The following WWOX variants were observed in gnomAD, a reference collection of about 807,000 sequenced individuals.
The protein encoded by WWOX is WW domain-containing oxidoreductase.
In WWOX, 69 loss-of-function variants were observed where a neutral mutation model predicts 46.2. The observed-to-expected ratio is 1.49, with a 90% CI of 1.23 to 1.82. WWOX has a LOEUF of 1.82. Ranked by LOEUF, WWOX falls within the 40% of genes most tolerant of loss-of-function variation. The pLI, the probability that WWOX is intolerant of heterozygous loss-of-function variation, is 0.00. For synonymous variants in WWOX, 359 were observed against 202.6 expected (o/e 1.77, Z -6.56); for missense variants, 919 against 542.6 (o/e 1.69, Z -6.89).
chr16:78,179,874 G>A (rs951777207), intron 5 of WWOX: 1 of 152,188 alleles, frequency 6.6e-6, no homozygotes, highest in Admixed American at 6.5e-5. Flanking sequence ...GTCAATTGGA[G>A]GGATTTGGTA....
At chr16:78,972,460 A>G (rs1461735988) in intron 8 of WWOX, among the ~76,000 whole-genome samples, 6 of 113,906 alleles carry the variant, frequency 5.3e-5, no homozygotes, top group Admixed American at 1.9e-4. Context: ...GGAAGTCAGC[A>G]AGCAGGGGTG....
intron 6 of WWOX, among the ~76,000 whole-genome samples, chr16:78,406,359 A>ATT (rs577010886): frequency 1.0e-4 from 6 of 59,918 alleles, no homozygotes; most frequent in African/African-American, 3.1e-4. Context: ...TATATATTTT[A>ATT]TTATTTTTTT....
chr16:78,608,766 G>A (rs762299289), intron 8 of WWOX, among the ~76,000 whole-genome samples: 64 of 152,092 alleles, frequency 4.2e-4, no homozygotes, highest in Non-Finnish European at 8.8e-4. Context: ...AACTAAAGCC[G>A]GGGTCGCCTG....
intron 8 of WWOX, among the ~76,000 whole-genome samples, chr16:78,877,860 A>G (rs1486477061): frequency 6.6e-6 from 1 of 152,202 alleles, no homozygotes; most frequent in Non-Finnish European, 1.5e-5. Flanking sequence ...TATACATTTT[A>G]TAGCTAAGCC....
At chr16:78,587,130 A>T (rs770406973) in intron 8 of WWOX, among the ~76,000 whole-genome samples, 1 of 150,034 alleles carries the variant, frequency 6.7e-6, no homozygotes, top group Non-Finnish European at 1.5e-5. Flanking sequence ...GGCTCAACCT[A>T]TCCTCTTACC....
At chr16:78,119,417 C>G (rs758778727) in intron 4 of WWOX, among the ~76,000 whole-genome samples, 32 of 152,112 alleles carry the variant, frequency 2.1e-4, no homozygotes, top group South Asian at 8.3e-4. Flanking sequence ...CTGCCCCCTG[C>G]TACCTGCAGG....
intron 8 of WWOX, among the ~76,000 whole-genome samples, chr16:78,758,092 T>C (rs1177280396): frequency 2.6e-5 from 4 of 152,198 alleles, no homozygotes; most frequent in Admixed American, 1.3e-4. Flanking sequence ...ATCTAATTAA[T>C]GTTGAAATTT....
intron 8 of WWOX, among the ~76,000 whole-genome samples, chr16:78,850,540 C>T (rs922988578): frequency 2.6e-5 from 4 of 152,066 alleles, no homozygotes; most frequent in Admixed American, 2.0e-4. Context: ...TGCAATGAAA[C>T]GTTTGTATAT....
intron 8 of WWOX, among the ~76,000 whole-genome samples, chr16:78,638,695 A>G (rs1167069622): frequency 6.6e-6 from 1 of 152,146 alleles, no homozygotes; most frequent in Non-Finnish European, 1.5e-5. Flanking sequence ...AGCACTTCAG[A>G]TTCCAATCGA....
chr16:78,556,695 C>T (rs1242983149), intron 8 of WWOX, among the ~76,000 whole-genome samples: 4 of 152,162 alleles, frequency 2.6e-5, no homozygotes, highest in East Asian at 1.9e-4. Flanking sequence ...TCCCTGAGAC[C>T]GGCAAACACA....
At chr16:79,137,717 C>T (rs564242833) in intron 8 of WWOX, among the ~76,000 whole-genome samples, 2 of 152,244 alleles carry the variant, frequency 1.3e-5, no homozygotes, top group Admixed American at 1.3e-4. Context: ...TCCTCCATCC[C>T]CTTCCTGCCC....
chr16:79,138,413 C>T (rs907337614), intron 8 of WWOX, among the ~76,000 whole-genome samples: 1 of 152,152 alleles, frequency 6.6e-6, no homozygotes, highest in Non-Finnish European at 1.5e-5. Context: ...AGATTTTCTG[C>T]CACAGTTTAA....
At chr16:78,400,083 A>G (rs1373672071) in intron 6 of WWOX, among the ~76,000 whole-genome samples, 4 of 152,194 alleles carry the variant, frequency 2.6e-5, no homozygotes, top group Non-Finnish European at 5.9e-5. Context: ...TGTCATTCAG[A>G]AAAACATAAA....
intron 5 of WWOX, among the ~76,000 whole-genome samples, chr16:78,192,787 T>G (rs1439070842): frequency 1.3e-5 from 2 of 152,194 alleles, no homozygotes; most frequent in Non-Finnish European, 2.9e-5. Flanking sequence ...TTGTTACAGG[T>G]CTAGTGCTGT....
At position 78,261,662 on chromosome 16, in the gene WWOX, T is replaced by A. The variant is rs866163180; in HGVS notation, c.516+97373T>A. ...AATCAGGGAGACTATGGAAGAACAA[T>A]CTCAGATCTCAGCTTGAGGCTCCAC... On this transcript the variant is annotated intron_variant, in intron 5 of 8. Coordinates refer to ENST00000566780, the MANE Select transcript of WWOX (RefSeq NM_016373.4). Among the ~76,000 whole-genome samples the A allele has an allele frequency of 1.4e-4, 21 of 149,776 alleles. 1 individual carries two copies. Among genetic ancestry groups the A allele is most frequent in the Middle Eastern group, 3.4e-3 (1 of 290 alleles).
At chr16:78,412,252 C>T (rs1321586838) in intron 6 of WWOX, among the ~76,000 whole-genome samples, 1 of 152,104 alleles carries the variant, frequency 6.6e-6, no homozygotes, top group Non-Finnish European at 1.5e-5. Flanking sequence ...TTGCAAATAT[C>T]AGCCATTACA....
intron 5 of WWOX, among the ~76,000 whole-genome samples, chr16:78,314,713 T>G (rs1217567755): frequency 9.3e-5 from 13 of 139,250 alleles, no homozygotes; most frequent in South Asian, 2.4e-4. Context: ...TTTTTTTTTT[T>G]TTTTTTTTCT....
chr16:78,358,375 T>C (rs1287112159), intron 5 of WWOX, among the ~76,000 whole-genome samples: 2 of 152,152 alleles, frequency 1.3e-5, no homozygotes, highest in East Asian at 1.9e-4. Context: ...ATAATAATTA[T>C]AGCCAAGTGC....
intron 8 of WWOX, among the ~76,000 whole-genome samples, chr16:79,007,034 A>G (rs1417807163): frequency 1.3e-5 from 2 of 152,036 alleles, no homozygotes; most frequent in Non-Finnish European, 2.9e-5. Flanking sequence ...GGATGGGGGT[A>G]TCTCTAGGGG....
Sources: gnomAD v4.1 joint callset for allele counts (sites outside exome capture counted in the v4.1 genomes callset) on GRCh38, gnomAD v4.1.1 for gene constraint, MANE v1.5 for transcripts, NCBI Gene and HGNC (gene_info 2026-07-23, HGNC 2026-07-21) for gene names.